MZB1: variants seen among roughly 807,000 people sequenced by gnomAD.
MZB1 encodes the protein marginal zone B and B1 cell specific protein, also known as marginal zone B- and B1-cell-specific protein.
Under a neutral mutation model 17.2 loss-of-function variants are expected in MZB1, and 10 were observed. The observed-to-expected ratio is 0.58, with a 90% CI of 0.36 to 0.98. The LOEUF (loss-of-function observed/expected upper bound fraction) is 0.98, where lower values mean the gene tolerates loss of function less well. MZB1 is among the 50% of genes least tolerant of loss of function. The probability of loss-of-function intolerance (pLI) is 0.01; values close to 1 mark genes in which losing one functional copy is unlikely to be tolerated. For synonymous variants in MZB1, 99 were observed against 98.7 expected, an observed-to-expected ratio of 1.00 and a Z score of -0.02; for missense variants, 246 against 237.5, an observed-to-expected ratio of 1.04 and a Z score of -0.23.
At chr5:139,388,369 G>A (rs1286011367) in intron 2 of MZB1, 92 bp downstream of exon 2, 1 of 1,354,302 alleles carries the variant, frequency 7.4e-7, no homozygotes, top group Non-Finnish European at 1.0e-6. Context: ...TCCTAGAGGA[G>A]TGTGTGTGTT....
chr5:139,389,392 G>A (rs1223053504), intron 1 of MZB1: 1 of 633,520 alleles, frequency 1.6e-6, no homozygotes, highest in East Asian at 3.2e-5. Context: ...CGTCAGGGTT[G>A]GGGAGGGAGT....
At chr5:139,389,511 G>T in intron 1 of MZB1, 169 bp downstream of exon 1, 2 of 852,636 alleles carry the variant, frequency 2.3e-6, no homozygotes, top group Non-Finnish European at 3.8e-6. Context: ...TGTTAGGCAG[G>T]CAGATGGGTA....
In MZB1 at chr5:139,389,669, G is replaced by A. The variant is rs1442938254; in HGVS notation, c.177+11C>T. The A allele has an allele frequency of 6.3e-7, 1 of 1,585,728 alleles. No homozygotes were observed. The highest frequency in any genetic ancestry group is 8.6e-7 in the Non-Finnish European group (1 of 1,166,130). On this transcript the variant is annotated intron_variant, in intron 1 of 3. Transcript: ENST00000302125. ...GTGAGCAGGGCAGGGTGACAGTGGTGAAGGACTCACCTGGTAAGCCACAGC... is the reference window on the plus strand; with the variant it reads ...GTGAGCAGGGCAGGGTGACAGTGGTAAAGGACTCACCTGGTAAGCCACAGC...
Position 139,388,585 on chromosome 5 carries a change from T to C in MZB1, c.178A>G (p.Met60Val), listed in dbSNP as rs1307415910. 3.7e-6 allele frequency: 6 copies of C among 1,603,812 alleles called. No individual in the cohort carries two copies. Among genetic ancestry groups the C allele is most frequent in the Non-Finnish European group, 5.1e-6 (6 of 1,175,282 alleles). ...CDACRAVAYQ[M>V]WQNLAKAETK... ...TCTGCCTTTGCCAGATTTTGCCACA[T>C]CTGGAACAAGGAGGGACTGGGAGGC... The change falls in exon 2 of 4, where the codon ATG becomes GTG. Residue 60 changes from methionine to valine, a missense_variant and splice_region_variant. Transcript: ENST00000302125.
Position 139,387,607 on chromosome 5 carries a change from G to C in MZB1, c.*158C>G. 1.3e-6 allele frequency: 1 copy of C among 786,528 alleles called. No homozygotes were observed. Among genetic ancestry groups the C allele is most frequent in the Non-Finnish European group, 1.8e-6 (1 of 551,618 alleles). 48.7% of individuals were successfully genotyped at this position (786,528 alleles called of 1,614,324 possible). ...TTTATTTGAGTCCAGAGGGGAAGGC[G>C]TTGACTCCCACCCAGGCCCGAGTGC... On this transcript the variant is annotated 3_prime_UTR_variant, in exon 4 of 4. Coordinates refer to ENST00000302125, the MANE Select transcript of MZB1 (RefSeq NM_016459.4).
In MZB1 at chr5:139,389,706, C is replaced by A; in HGVS notation, c.151G>T (p.Asp51Tyr). The A allele has an allele frequency of 6.3e-7, 1 of 1,586,494 alleles. No individual in the cohort carries two copies. Among genetic ancestry groups the A allele is most frequent in the Admixed American group, 1.8e-5 (1 of 55,630 alleles). ...SAHMPAHLRC[D>Y]ACRAVAYQMW... The stretch of plus-strand genomic sequence containing the variant: ...TGGTAAGCCACAGCTCTGCAGGCAT[C>A]ACAGCGCAGGTGAGCGGGCATGTGG... Residue 51 changes from aspartate to tyrosine, a missense_variant, in exon 1 of 4, where the codon GAT (aspartate) becomes TAT (tyrosine). Physicochemically the swap from Asp to Tyr is radical, Grantham distance 160 (BLOSUM62 -3). Coordinates refer to ENST00000302125, the MANE Select transcript of MZB1 (RefSeq NM_016459.4).
intron 1 of MZB1, chr5:139,389,404 C>T (rs549683531): frequency 4.0e-5 from 26 of 648,150 alleles, no homozygotes; most frequent in South Asian, 2.1e-4. Flanking sequence ...GGAGGGAGTC[C>T]GGACTCAAGG....
intron 1 of MZB1, chr5:139,389,295 G>A: frequency 2.3e-6 from 1 of 434,874 alleles, no homozygotes; most frequent in Admixed American, 2.7e-5. Flanking sequence ...CTCAGCAGGT[G>A]TGTGTGTGAA....
Position 139,388,600 on chromosome 5 carries a change from G to A in MZB1, c.178-15C>T. On this transcript the variant is annotated splice_polypyrimidine_tract_variant and intron_variant, in intron 1 of 3. Coordinates refer to ENST00000302125, the MANE Select transcript of MZB1 (RefSeq NM_016459.4). Reference sequence around the variant, plus strand: ...TTTTGCCACATCTGGAACAAGGAGGGACTGGGAGGCAGGGCCTCAGGACTG... The same window carrying A: ...TTTTGCCACATCTGGAACAAGGAGGAACTGGGAGGCAGGGCCTCAGGACTG... 1 of 1,603,120 alleles carries A rather than the reference G, an allele frequency of 6.2e-7. No homozygotes were observed. The highest frequency in any genetic ancestry group is 8.5e-7 in the Non-Finnish European group (1 of 1,174,866).
chr5:139,388,528 G>C lies in MZB1; in HGVS notation c.235C>G (p.Arg79Gly). The change falls in exon 2 of 4, where the codon CGG (arginine) becomes GGG (glycine). Residue 79 changes from arginine to glycine, a missense_variant. By Grantham distance (125) the Arg-to-Gly change is moderately radical. Transcript: ENST00000302125. ...TKLHTSNSGG[R>G]RELSELVYTD... ...TAGACCAACTCGCTCAGCTCCCGCC[G>C]CCCCCCAGAGTTTGAGGTATGAAGT... The C allele has an allele frequency of 5.6e-6, 9 of 1,600,330 alleles. No individual in the cohort carries two copies. Among genetic ancestry groups the C allele is most frequent in the Non-Finnish European group, 7.7e-6 (9 of 1,173,456 alleles).
Position 139,387,527 on chromosome 5 carries a change from G to T in MZB1, c.*238C>A. The T allele has an allele frequency of 8.5e-6, 3 of 353,548 alleles. No individual in the cohort carries two copies. Among genetic ancestry groups the T allele is most frequent in the Non-Finnish European group, 1.0e-5 (2 of 198,776 alleles). The allele number at this position is 353,548 out of a possible 1,614,324, so 21.9% of individuals were successfully genotyped here. On this transcript the variant is annotated 3_prime_UTR_variant, in exon 4 of 4. Transcript: ENST00000302125. ...GACATCAGCAGAAACACCAATGTCT[G>T]CACTCCCAGCCCCACAAGCACCTTT...
intron 1 of MZB1, chr5:139,389,363 C>T (rs1561987454): frequency 1.7e-6 from 1 of 579,588 alleles, no homozygotes; most frequent in Non-Finnish European, 3.3e-6. Flanking sequence ...GCACCATGTA[C>T]ACATAGCCAA....
chr5:139,388,751 A>C, intron 1 of MZB1, 166 bp from the exon 2 acceptor site: 1 of 1,206,670 alleles, frequency 8.3e-7, no homozygotes, highest in Non-Finnish European at 1.1e-6. Context: ...CAGCCCCCAA[A>C]GCTCTCTGGG....
Position 139,387,706 on chromosome 5 carries a change from G to T in MZB1, c.*59C>A. 6.8e-7 allele frequency: 1 copy of T among 1,469,946 alleles called. No individual in the cohort carries two copies. The highest frequency in any genetic ancestry group is 1.5e-5 in the South Asian group (1 of 65,324). The allele number at this position is 1,469,946 out of a possible 1,614,324, so 91.1% of individuals were successfully genotyped here. The stretch of plus-strand genomic sequence containing the variant: ...CCTGCCCTCCTGGCTGCCTGCAGAC[G>T]GGAGTGGAGACCGTCAGAGCAAGCC... On this transcript the variant is annotated 3_prime_UTR_variant, in exon 4 of 4. Coordinates refer to ENST00000302125, the MANE Select transcript of MZB1 (RefSeq NM_016459.4).
At chr5:139,389,060 C>T (rs1354616342) in intron 1 of MZB1, 2 of 210,712 alleles carry the variant, frequency 9.5e-6, no homozygotes, top group Non-Finnish European at 2.0e-5. Flanking sequence ...TCAGTAGTGA[C>T]GGGGTTTCAC....
chr5:139,389,273 C>A (rs1758568529), intron 1 of MZB1: 2 of 378,172 alleles, frequency 5.3e-6, no homozygotes, highest in African/African-American at 2.1e-5. Flanking sequence ...GAGACACTGG[C>A]ACGCAGGCAT....
chr5:139,388,423 T>G, intron 2 of MZB1, 38 bp downstream of exon 2: 1 of 1,480,282 alleles, frequency 6.8e-7, no homozygotes, highest in Non-Finnish European at 8.9e-7. Context: ...AGGCCTGCCC[T>G]TGGAGGAGGG....
At position 139,388,079 on chromosome 5, in the gene MZB1, T is replaced by A. The variant is rs1417915487; in HGVS notation, c.355A>T (p.Ser119Cys). ...CTGATGCTTGGCTCTGGCCCCTCGC[T>A]AAGTCCTGGGCCTGTGAGACGTTTC... is the stretch of plus-strand genomic sequence containing the variant. ...QVKRLTGPGL[S>C]EGPEPSISVM... is the part of the protein sequence containing the mutation. Residue 119 changes from serine to cysteine, a missense_variant, in exon 3 of 4, where the codon AGC becomes TGC. Transcript: ENST00000302125. 6.4e-7 allele frequency: 1 copy of A among 1,553,108 alleles called. No individual in the cohort carries two copies.
chr5:139,389,426 A>C, intron 1 of MZB1: 1 of 676,626 alleles, frequency 1.5e-6, no homozygotes. Flanking sequence ...TGGGCCTGGA[A>C]AGGGAGAAGT....
Sources: allele counts gnomAD v4.1 joint callset, GRCh38; gene constraint gnomAD v4.1.1; transcripts MANE v1.5; gene names NCBI Gene and HGNC (gene_info 2026-07-23, HGNC 2026-07-21).